Variants in YEATS2 observed in about 807,000 individuals in gnomAD.
YEATS2 encodes the protein YEATS domain-containing protein 2.
A neutral mutation model predicts 163.2 loss-of-function variants in YEATS2; 77 were observed. The observed-to-expected ratio is 0.47, with a 90% confidence interval of 0.39 to 0.57. YEATS2 has a LOEUF of 0.57. Among genes scored for constraint, YEATS2 ranks in the 20% least tolerant of loss-of-function variants. YEATS2 has a pLI of 0.00. For missense variants in YEATS2, 1,549 were observed against 1,729.8 expected (o/e 0.90, Z 1.85); for synonymous variants, 631 against 645.1 (o/e 0.98, Z 0.33).
intron 18 of YEATS2, 93 bp downstream of exon 18, chr3:183,776,216 G>A: frequency 1.6e-6 from 2 of 1,268,338 alleles, no homozygotes; most frequent in Non-Finnish European, 2.1e-6. Flanking sequence ...TCTGGGATCA[G>A]GGTTCAATAC....
At position 183,800,492 on chromosome 3, in the gene YEATS2, C is replaced by T. The variant is rs1339414725; in HGVS notation, c.3352C>T (p.Pro1118Ser). ...GAAGACTGAACCAGAAACACCTGGACCGAGTTGCCTCTCTCAGGAGGGTCA... is the reference window on the plus strand; with the variant it reads ...GAAGACTGAACCAGAAACACCTGGATCGAGTTGCCTCTCTCAGGAGGGTCA... ...KVKTEPETPG[P>S]SCLSQEGQTA... Residue 1118 changes from proline (P) to serine (S), a missense_variant, in exon 24 of 31, where the codon CCG becomes TCG. Coordinates refer to ENST00000305135, the MANE Select transcript of YEATS2 (RefSeq NM_018023.5). 4 of 1,613,988 alleles carry T rather than the reference C, an allele frequency of 2.5e-6. No homozygotes were observed. Among genetic ancestry groups the T allele is most frequent in the Non-Finnish European group, 3.4e-6 (4 of 1,179,988 alleles).
At chr3:183,746,586 C>G (rs1027306606) in intron 8 of YEATS2, among the ~76,000 whole-genome samples, 1 of 151,928 alleles carries the variant, frequency 6.6e-6, no homozygotes, top group African/African-American at 2.4e-5. Context: ...AAGATACACC[C>G]GTGCGGATTA....
In YEATS2 at chr3:183,715,214, G is replaced by C. The variant is rs767641283; in HGVS notation, c.52G>C (p.Val18Leu). The C allele has an allele frequency of 3.1e-6, 5 of 1,613,606 alleles. No individual in the cohort carries two copies. The South Asian group carries it at 5.5e-5, about 18-fold the overall frequency. ...AGAAACCGACCCTGATTACGAGGAT[G>C]TATCTGTGGCCCTTCCAAATAAGCG... ...IKETDPDYED[V>L]SVALPNKRHK... Residue 18 changes from valine to leucine, a missense_variant, in exon 2 of 31, where the codon GTA (valine) becomes CTA (leucine). Coordinates refer to ENST00000305135, the MANE Select transcript of YEATS2 (RefSeq NM_018023.5).
chr3:183,730,092 A>T, intron 7 of YEATS2, among the ~76,000 whole-genome samples: 1 of 66,892 alleles, frequency 1.5e-5, no homozygotes. Context: ...TTTTTTGGAG[A>T]CACATCCTGT....
chr3:183,792,126 A>G (rs1394523856), intron 21 of YEATS2, among the ~76,000 whole-genome samples: 1 of 152,070 alleles, frequency 6.6e-6, no homozygotes, highest in African/African-American at 2.4e-5. Context: ...AAAACCGAAG[A>G]TTTTATTTTT....
Position 183,722,278 on chromosome 3 carries a change from C to CTTT in YEATS2, c.537+168_537+170dup, listed in dbSNP as rs200048624. 199 of 310,354 alleles carry CTTT rather than the reference C, an allele frequency of 6.4e-4. 22 individuals are homozygous for CTTT. In the African/African-American group the frequency reaches 6.9e-3, roughly 11 times the overall value. 19.2% of individuals were successfully genotyped at this position (310,354 alleles called of 1,614,324 possible). The stretch of plus-strand genomic sequence containing the variant: ...TCCTTTTATAATGGGGAAACCAAAT[C>CTTT]TTTTTTTTTTTTTTTTTTTTTTTTT... On this transcript the variant is annotated intron_variant, in intron 5 of 30. Coordinates refer to ENST00000305135, the MANE Select transcript of YEATS2 (RefSeq NM_018023.5).
At chr3:183,771,543 CTTTTTTTTTT>C (rs1158586747) in intron 15 of YEATS2, among the ~76,000 whole-genome samples, 1 of 26,674 alleles carries the variant, frequency 3.7e-5, no homozygotes, top group Non-Finnish European at 6.8e-5. Context: ...TTATTCTTGC[CTTTTTTTTTT>C]TTTTTTTTTT....
rs375247890 is a variant in YEATS2 at position 183,809,118 on chromosome 3, G to A, written c.4108G>A (p.Asp1370Asn). Residue 1370 changes from aspartate to asparagine, a missense_variant, in exon 30 of 31, where the codon GAT becomes AAT. Coordinates refer to ENST00000305135, the MANE Select transcript of YEATS2 (RefSeq NM_018023.5). ...GTAGGCTACAGAACAGCTGGTGAAT[G>A]ATATCCTGAGACAGGCTTTGGCAGT... ...ILKATEQLVN[D>N]ILRQALAVGY... is the part of the protein sequence containing the mutation. 2.5e-6 allele frequency: 4 copies of A among 1,614,022 alleles called. No individual in the cohort carries two copies. The highest frequency in any genetic ancestry group is 3.4e-6 in the Non-Finnish European group (4 of 1,180,028).
chr3:183,801,746 T>C, intron 25 of YEATS2: 2 of 442,860 alleles, frequency 4.5e-6, no homozygotes, highest in Non-Finnish European at 8.1e-6. Flanking sequence ...AAGGAATGTT[T>C]TACATTTTTC....
At chr3:183,755,029 AAAAAGAATGTTTGGTGT>A (rs2109306173) in intron 11 of YEATS2, among the ~76,000 whole-genome samples, 1 of 152,318 alleles carries the variant, frequency 6.6e-6, no homozygotes, top group Non-Finnish European at 1.5e-5. Flanking sequence ...AAGGGGGGAA[AAAAAGAATGTTTGGTGT>A]TGTAAGTAGA....
chr3:183,761,165 A>G (rs112312093), intron 13 of YEATS2, among the ~76,000 whole-genome samples: 2,526 of 151,564 alleles, frequency 0.017, 51 homozygotes, highest in African/African-American at 0.059. Flanking sequence ...TCGGCTCACC[A>G]CAACCTCTGC....
intron 5 of YEATS2, 139 bp from the exon 6 acceptor site, chr3:183,724,280 A>C: frequency 1.7e-6 from 1 of 605,534 alleles, no homozygotes; most frequent in East Asian, 2.8e-5. Flanking sequence ...ATGCTTTGAG[A>C]GGTGCTACAA....
chr3:183,717,852 CCT>C (rs1406867673), intron 3 of YEATS2, 104 bp downstream of exon 3: 4 of 523,750 alleles, frequency 7.6e-6, no homozygotes, highest in Non-Finnish European at 1.2e-5. Context: ...GCTTTATCCT[CCT>C]CTTTGCTTTT....
chr3:183,733,851 T>G (rs1174996782), intron 7 of YEATS2, among the ~76,000 whole-genome samples: 1 of 152,172 alleles, frequency 6.6e-6, no homozygotes, highest in Non-Finnish European at 1.5e-5. Flanking sequence ...TTTGCTTTTT[T>G]TTTTTAGGTA....
chr3:183,781,216 A>G (rs970703470), intron 19 of YEATS2, among the ~76,000 whole-genome samples: 12 of 152,146 alleles, frequency 7.9e-5, no homozygotes, highest in Non-Finnish European at 1.6e-4. Flanking sequence ...AGATCAGGAA[A>G]GCTAGTGGTG....
intron 19 of YEATS2, among the ~76,000 whole-genome samples, chr3:183,782,343 A>T (rs554354937): frequency 1.3e-5 from 2 of 152,126 alleles, no homozygotes; most frequent in South Asian, 4.1e-4. Flanking sequence ...TCCTGACCTC[A>T]GGTGATCCAC....
intron 1 of YEATS2, among the ~76,000 whole-genome samples, chr3:183,705,933 G>A (rs767284100): frequency 5.5e-4 from 84 of 151,938 alleles, no homozygotes; most frequent in African/African-American, 2.0e-3. Flanking sequence ...CCAGCTACTC[G>A]GGAGGCTGAG....
intron 19 of YEATS2, among the ~76,000 whole-genome samples, chr3:183,780,289 TA>T (rs1560307188): frequency 6.6e-6 from 1 of 152,180 alleles, no homozygotes; most frequent in Non-Finnish European, 1.5e-5. Context: ...GGAAACTGAA[TA>T]GAACTGGCTG....
chr3:183,725,041 C>CTTTTTTTTTTTTTTTTTTTTTTTTTTTT (rs62826962), intron 6 of YEATS2, among the ~76,000 whole-genome samples: 1 of 87,504 alleles, frequency 1.1e-5, no homozygotes, highest in Non-Finnish European at 2.2e-5. Flanking sequence ...CCGTGCCGGC[C>CTTTTTTTTTTTTTTTTTTTTTTTTTTTT]TTTTTTTTTT....
Sources: gnomAD v4.1 joint callset for allele counts (sites outside exome capture counted in the v4.1 genomes callset) on GRCh38, gnomAD v4.1.1 for gene constraint, MANE v1.5 for transcripts, NCBI Gene and HGNC (gene_info 2026-07-23, HGNC 2026-07-21) for gene names.